Variants in CUX2 observed in about 807,000 individuals in gnomAD.
CUX2 encodes cut like homeobox 2.
A neutral mutation model predicts 144.8 loss-of-function variants in CUX2; 40 were observed. That is an observed-to-expected ratio of 0.28 (90% confidence interval 0.21 to 0.36). The LOEUF is 0.36. CUX2 is among the 10% of genes least tolerant of loss of function. The pLI is 1.00. For missense variants in CUX2, 1,615 were observed against 1,994.0 expected (o/e 0.81, Z 3.62); for synonymous variants, 827 against 875.6 (o/e 0.94, Z 0.98).
intron 1 of CUX2, among the ~76,000 whole-genome samples, chr12:111,201,451 G>A (rs111442987): frequency 2.3e-3 from 347 of 152,284 alleles, no homozygotes; most frequent in African/African-American, 8.0e-3. Flanking sequence ...ACAGCCTGAC[G>A]GTTCCAGCCC....
intron 2 of CUX2, among the ~76,000 whole-genome samples, chr12:111,215,561 C>T (rs1378840980): frequency 6.6e-6 from 1 of 152,222 alleles, no homozygotes; most frequent in African/African-American, 2.4e-5. Context: ...CATGTTGTGG[C>T]TTCAGAAAAG....
At chr12:111,089,789 A>G (rs1872453806) in intron 1 of CUX2, among the ~76,000 whole-genome samples, 1 of 152,258 alleles carries the variant, frequency 6.6e-6, no homozygotes, top group African/African-American at 2.4e-5. Context: ...TAACCAGAGC[A>G]TTCATGCTTG....
At chr12:111,309,525 A>G (rs1374643113) in intron 14 of CUX2, among the ~76,000 whole-genome samples, 1 of 152,108 alleles carries the variant, frequency 6.6e-6, no homozygotes, top group Non-Finnish European at 1.5e-5. Context: ...TAGGGCAGAA[A>G]GAGCCAAGGT....
rs146609197 is a variant in CUX2 at position 111,289,446 on chromosome 12, G to A, written c.302-1972G>A. Among the ~76,000 whole-genome samples the A allele has an allele frequency of 5.2e-3, 799 of 152,284 alleles. 9 individuals carry two copies. Among genetic ancestry groups the A allele is most frequent in the African/African-American group, 0.018 (730 of 41,560 alleles). ...TCCAAGCCAGCCTCCAGGGGATGCC[G>A]TGAGGATGCTGGGAAGCCAGTCCTG... On this transcript the variant is annotated intron_variant, in intron 4 of 21. Transcript: ENST00000261726. The surrounding 1 kb of genome is among the most constrained non-coding windows in gnomAD (Gnocchi z 4.1).
rs1198419861 is a variant in CUX2 at position 111,320,327 on chromosome 12, G to T, written c.2318G>T (p.Arg773Leu). The change falls in exon 17 of 22, where the codon CGC becomes CTC. Residue 773 changes from arginine (R) to leucine (L), a missense_variant. Around this residue, in one of 12 missense-constraint regions of CUX2, gnomAD observed 390 missense variants for 387.1 expected, o/e 1.01. Transcript: ENST00000261726. This position sits in a 1 kb window ranked among gnomAD's most constrained non-coding sequence, Gnocchi z 8.1. Reference protein sequence around the residue: ...SPAAFVQSIIRKVKSEIGDAG... With the variant: ...SPAAFVQSIILKVKSEIGDAG... Reference sequence around the variant, plus strand: ...GCCGCCTTCGTGCAGAGCATCATCCGCAAGGTCAAGTCCGAGATCGGCGAC... The same window carrying T: ...GCCGCCTTCGTGCAGAGCATCATCCTCAAGGTCAAGTCCGAGATCGGCGAC... The T allele has an allele frequency of 1.5e-5, 24 of 1,597,968 alleles. No homozygotes were observed. Among genetic ancestry groups the T allele is most frequent in the Non-Finnish European group, 2.0e-5 (23 of 1,179,158 alleles).
At chr12:111,115,954 T>C (rs1202463233) in intron 1 of CUX2, among the ~76,000 whole-genome samples, 1 of 152,186 alleles carries the variant, frequency 6.6e-6, no homozygotes, top group East Asian at 1.9e-4. Context: ...TTCTTTGACA[T>C]AGATCTGAGA....
At chr12:111,092,805 A>ATT (rs528129107) in intron 1 of CUX2, among the ~76,000 whole-genome samples, 1,636 of 106,006 alleles carry the variant, frequency 0.015, 45 homozygotes, top group South Asian at 0.043. Context: ...GCTCTGGCAG[A>ATT]TTTTTTTTTT....
chr12:111,260,754 C>CTCTA (rs1030581910), intron 3 of CUX2, among the ~76,000 whole-genome samples: 2 of 152,288 alleles, frequency 1.3e-5, no homozygotes, highest in African/African-American at 4.8e-5. Flanking sequence ...GTAGGGGGTG[C>CTCTA]TCTAGGCAGG....
At chr12:111,198,623 A>G (rs902056216) in intron 1 of CUX2, among the ~76,000 whole-genome samples, 6 of 152,246 alleles carry the variant, frequency 3.9e-5, no homozygotes, top group Non-Finnish European at 7.3e-5. Flanking sequence ...GCAGATAACT[A>G]TCTTTGCAAA....
Position 111,160,398 on chromosome 12 carries a change from C to T in CUX2, c.64-53802C>T, listed in dbSNP as rs756825. Among the ~76,000 whole-genome samples, 34,863 of 151,882 alleles carry T rather than the reference C, an allele frequency of 0.23. 5,423 individuals carry two copies. The highest frequency in any genetic ancestry group is 0.52 in the East Asian group (2,662 of 5,138). ...AAGCATGTGTGTGCGGGCATCTGGG[C>T]GTATTCGGGACGTGTGTGTAGTGCA... On this transcript the variant is annotated intron_variant, in intron 1 of 21. Coordinates refer to ENST00000261726, the MANE Select transcript of CUX2 (RefSeq NM_015267.4). The surrounding 1 kb of genome is among the most constrained non-coding windows in gnomAD (Gnocchi z 4.1).
intron 1 of CUX2, among the ~76,000 whole-genome samples, chr12:111,133,353 AAG>A: frequency 6.6e-6 from 1 of 152,294 alleles, no homozygotes; most frequent in East Asian, 1.9e-4. Context: ...TGGGAACAAA[AAG>A]AGGTTTCATT....
At chr12:111,085,859 G>A (rs764237183) in intron 1 of CUX2, among the ~76,000 whole-genome samples, 2 of 152,216 alleles carry the variant, frequency 1.3e-5, no homozygotes, top group Non-Finnish European at 2.9e-5. Context: ...CCACCTTCCA[G>A]CAAGGGCTTA....
At position 111,277,659 on chromosome 12, in the gene CUX2, T is replaced by C. The variant is rs1884941773; in HGVS notation, c.302-13759T>C. Among the ~76,000 whole-genome samples, 1 of 152,140 alleles carries C rather than the reference T, an allele frequency of 6.6e-6. No individual in the cohort carries two copies. The highest frequency in any genetic ancestry group is 1.5e-5 in the Non-Finnish European group (1 of 68,036). On this transcript the variant is annotated intron_variant, in intron 4 of 21. Coordinates refer to ENST00000261726, the MANE Select transcript of CUX2 (RefSeq NM_015267.4). This position sits in a 1 kb window ranked among gnomAD's most constrained non-coding sequence, Gnocchi z 5.0. ...AGGAGGGCAGGAATTTTCTATCATT[T>C]CCTGCTGGACCTCCACGGCCCAGAG...
At chr12:111,088,810 C>G (rs1872391253) in intron 1 of CUX2, among the ~76,000 whole-genome samples, 1 of 152,200 alleles carries the variant, frequency 6.6e-6, no homozygotes, top group African/African-American at 2.4e-5. Context: ...CTATGAAGCT[C>G]ACCTGTCGTG....
In CUX2 at chr12:111,214,217, C is replaced by T. The variant is rs190091435; in HGVS notation, c.81C>T (p.Val27=). 4,545 of 1,540,248 alleles carry T rather than the reference C, an allele frequency of 3.0e-3. 12 individuals are homozygous for T. Among genetic ancestry groups the T allele is most frequent in the Non-Finnish European group, 3.5e-3 (4,049 of 1,146,786 alleles). ...LRRLQKELNS[V]ASELSARQEE... is the part of the protein sequence containing the mutation. ...TGTTCCAGAAGGAGCTTAATTCCGTCGCTTCTGAGCTGTCTGCACGGCAGG... is the reference window on the plus strand; with the variant it reads ...TGTTCCAGAAGGAGCTTAATTCCGTTGCTTCTGAGCTGTCTGCACGGCAGG... The change falls in exon 2 of 22, where the codon GTC becomes GTT. Residue 27 remains valine (V), a synonymous_variant. Transcript: ENST00000261726.
intron 1 of CUX2, among the ~76,000 whole-genome samples, chr12:111,208,957 T>A (rs371946119): frequency 7.9e-4 from 120 of 152,274 alleles, no homozygotes; most frequent in African/African-American, 2.7e-3. Flanking sequence ...CCTTTTTAAA[T>A]ACACTTATTT....
At chr12:111,154,268 A>G (rs1301705438) in intron 1 of CUX2, among the ~76,000 whole-genome samples, 1 of 152,102 alleles carries the variant, frequency 6.6e-6, no homozygotes, top group African/African-American at 2.4e-5. Context: ...CTTTCTGTTA[A>G]GTCCCATGAA....
At chr12:111,224,707 G>A (rs556084163) in intron 3 of CUX2, among the ~76,000 whole-genome samples, 1 of 152,100 alleles carries the variant, frequency 6.6e-6, no homozygotes, top group African/African-American at 2.4e-5. Context: ...GACAGCAGGG[G>A]AGGGCAGGGA....
At chr12:111,044,901 C>G (rs1232936815) in intron 1 of CUX2, among the ~76,000 whole-genome samples, 4 of 152,208 alleles carry the variant, frequency 2.6e-5, no homozygotes, top group African/African-American at 9.6e-5. Context: ...ACCTTTAGCT[C>G]CATCAGTCTC....
Sources: allele counts gnomAD v4.1 joint callset (sites outside exome capture counted in the v4.1 genomes callset), GRCh38; gene constraint gnomAD v4.1.1; regional missense constraint gnomAD v4.1.1; non-coding constraint Gnocchi (gnomAD v3.1); transcripts MANE v1.5; gene names NCBI Gene and HGNC (gene_info 2026-07-23, HGNC 2026-07-21).